Variants in RFX3 observed in about 807,000 individuals in gnomAD.
RFX3 encodes the protein regulatory factor X3, also known as transcription factor RFX3.
A neutral mutation model predicts 98.6 loss-of-function variants in RFX3; 14 were observed. The ratio of observed to expected loss-of-function variants is 0.14; its 90% confidence interval spans 0.09 to 0.22. The LOEUF is 0.22. RFX3 is among the 10% of genes least tolerant of loss of function. RFX3 has a pLI of 1.00. For synonymous variants in RFX3, 383 were observed against 328.4 expected, an observed-to-expected ratio of 1.17 and a Z score of -1.80; for missense variants, 639 against 926.9, an observed-to-expected ratio of 0.69 and a Z score of 4.03.
intron 1 of RFX3, among the ~76,000 whole-genome samples, chr9:3,421,143 T>C (rs1248987475): frequency 1.3e-5 from 2 of 151,550 alleles, no homozygotes; most frequent in East Asian, 3.9e-4. Flanking sequence ...ACACTGAGAA[T>C]AACTATCTAA....
At chr9:3,364,760 G>C (rs563505686) in intron 2 of RFX3, 1 of 152,770 alleles carries the variant, frequency 6.5e-6, no homozygotes, top group South Asian at 2.1e-4. Context: ...GCCTTCTTAA[G>C]CTTAACCAAC....
intron 1 of RFX3, chr9:3,524,731 A>G (rs1341848336): frequency 4.5e-6 from 2 of 448,812 alleles, no homozygotes; most frequent in Non-Finnish European, 5.9e-6. Flanking sequence ...ACGGAACCTC[A>G]CTACTCCCCC....
In RFX3 at chr9:3,221,308, T is replaced by C. The variant is rs1004312941; in HGVS notation, c.*3734A>G. ...TTAGCACTTTTAGACAGTGCATTCATATAAAAAGATTCATGATTACGGCAC... is the reference window on the plus strand; with the variant it reads ...TTAGCACTTTTAGACAGTGCATTCACATAAAAAGATTCATGATTACGGCAC... On this transcript the variant is annotated 3_prime_UTR_variant, in exon 17 of 17. Coordinates refer to ENST00000617270, the MANE Select transcript of RFX3 (RefSeq NM_001282116.2). 1.3e-5 allele frequency: 2 copies of C among 152,170 alleles called. No individual in the cohort carries two copies. The highest frequency in any genetic ancestry group is 2.4e-5 in the African/African-American group (1 of 41,454). 9.4% of individuals were successfully genotyped at this position (152,170 alleles called of 1,614,324 possible). A position where few individuals can be genotyped will look rare whatever the true frequency, so the allele number is the denominator to read the frequency against.
intron 14 of RFX3, among the ~76,000 whole-genome samples, chr9:3,253,190 C>A (rs1169918406): frequency 6.6e-6 from 1 of 152,058 alleles, no homozygotes; most frequent in Non-Finnish European, 1.5e-5. Flanking sequence ...AAATATATGC[C>A]CTAACATGCG....
At chr9:3,319,430 C>A (rs1831005741) in intron 4 of RFX3, among the ~76,000 whole-genome samples, 1 of 152,010 alleles carries the variant, frequency 6.6e-6, no homozygotes, top group Non-Finnish European at 1.5e-5. Context: ...AACGGACATT[C>A]CCACAATGGT....
chr9:3,394,923 A>G, intron 2 of RFX3: 7 of 707,330 alleles, frequency 9.9e-6, no homozygotes, highest in Non-Finnish European at 1.2e-5. Flanking sequence ...TGATGAATTC[A>G]CTCCCAACTT....
chr9:3,454,289 C>T (rs1039920046), intron 1 of RFX3, among the ~76,000 whole-genome samples: 28 of 152,122 alleles, frequency 1.8e-4, no homozygotes, highest in Non-Finnish European at 2.2e-4. Context: ...TATACACAGG[C>T]AACACTCGAG....
Position 3,395,605 on chromosome 9 carries a change from G to C in RFX3, c.-8-9C>G. The C allele has an allele frequency of 1.9e-6, 3 of 1,610,836 alleles. No individual in the cohort carries two copies. Among genetic ancestry groups the C allele is most frequent in the South Asian group, 1.1e-5 (1 of 90,880 alleles). ...TGTCTGCATGATGGTCTCTGAAATA[G>C]ATTAAAATGAAATTAAAGTTTAAAA... On this transcript the variant is annotated splice_polypyrimidine_tract_variant and intron_variant, in intron 1 of 16. Transcript: ENST00000617270.
At chr9:3,463,401 C>A (rs1396407346) in intron 1 of RFX3, among the ~76,000 whole-genome samples, 2 of 151,770 alleles carry the variant, frequency 1.3e-5, no homozygotes, top group East Asian at 3.9e-4. Context: ...AGATTATAAG[C>A]TACTAGAAGA....
chr9:3,262,715 T>C (rs760843778), intron 13 of RFX3, among the ~76,000 whole-genome samples: 2 of 152,212 alleles, frequency 1.3e-5, no homozygotes, highest in Non-Finnish European at 2.9e-5. Flanking sequence ...TGGTGATATA[T>C]TACGTTGTCT....
chr9:3,267,845 T>C (rs1465152814), intron 11 of RFX3, among the ~76,000 whole-genome samples: 1 of 151,842 alleles, frequency 6.6e-6, no homozygotes, highest in Non-Finnish European at 1.5e-5. Context: ...ACAGTAAAAT[T>C]TTGTTCAAGG....
At chr9:3,366,714 C>CTTTCT (rs1277456094) in intron 2 of RFX3, among the ~76,000 whole-genome samples, 1 of 94,566 alleles carries the variant, frequency 1.1e-5, no homozygotes, top group East Asian at 3.3e-4. Context: ...TTCTTTCTTT[C>CTTTCT]TTTCTTTCTT....
intron 2 of RFX3, among the ~76,000 whole-genome samples, chr9:3,379,181 G>A (rs1838903603): frequency 6.6e-6 from 1 of 152,048 alleles, no homozygotes; most frequent in Non-Finnish European, 1.5e-5. Context: ...TTACAGTTTT[G>A]GGGAGAGACA....
chr9:3,233,859 A>G (rs1030745202), intron 15 of RFX3, among the ~76,000 whole-genome samples: 9 of 152,118 alleles, frequency 5.9e-5, no homozygotes, highest in African/African-American at 2.2e-4. Flanking sequence ...ACAAATGATC[A>G]CCATTATCAA....
At chr9:3,472,273 T>C (rs1156986758) in intron 1 of RFX3, among the ~76,000 whole-genome samples, 2 of 152,096 alleles carry the variant, frequency 1.3e-5, no homozygotes, top group Admixed American at 6.6e-5. Flanking sequence ...TGGGCTTTAG[T>C]GTTAAACAGA....
chr9:3,309,326 A>G (rs1490168044), intron 4 of RFX3, among the ~76,000 whole-genome samples: 2 of 152,196 alleles, frequency 1.3e-5, no homozygotes, highest in East Asian at 3.8e-4. Flanking sequence ...TTCTAGGAAG[A>G]ACCTGTAGGG....
intron 2 of RFX3, chr9:3,394,636 C>T (rs1391344442): frequency 1.9e-5 from 3 of 156,666 alleles, no homozygotes; most frequent in African/African-American, 7.2e-5. Context: ...CATCTATAAC[C>T]CATCTATATC....
At chr9:3,460,038 C>A (rs1037965978) in intron 1 of RFX3, among the ~76,000 whole-genome samples, 1 of 151,854 alleles carries the variant, frequency 6.6e-6, no homozygotes, top group Non-Finnish European at 1.5e-5. Context: ...TTTATTATAA[C>A]AAATGTTCAA....
intron 1 of RFX3, among the ~76,000 whole-genome samples, chr9:3,524,000 C>A (rs917224300): frequency 6.6e-6 from 1 of 152,178 alleles, no homozygotes; most frequent in South Asian, 2.1e-4. Context: ...CCACCCTGCT[C>A]GTTGACAATC....
Sources: allele counts gnomAD v4.1 joint callset (sites outside exome capture counted in the v4.1 genomes callset), GRCh38; gene constraint gnomAD v4.1.1; transcripts MANE v1.5; gene names NCBI Gene and HGNC (gene_info 2026-07-23, HGNC 2026-07-21).